The following COP1 variants were observed in gnomAD, a reference collection of about 807,000 sequenced individuals.
COP1 encodes COP1 E3 ubiquitin ligase.
A neutral mutation model predicts 101.3 loss-of-function variants in COP1; 24 were observed. The observed-to-expected ratio is 0.24, with a 90% CI of 0.17 to 0.33. The LOEUF (loss-of-function observed/expected upper bound fraction) is 0.33, where lower values mean the gene tolerates loss of function less well. Among genes scored for constraint, COP1 ranks in the 10% least tolerant of loss-of-function variants. The pLI is 1.00. For missense variants in COP1, 663 were observed against 906.2 expected (o/e 0.73, Z 3.45); for synonymous variants, 347 against 341.9 (o/e 1.01, Z -0.17).
At chr1:176,136,410 A>C in intron 7 of COP1, 78 bp downstream of exon 7, 1 of 934,062 alleles carries the variant, frequency 1.1e-6, no homozygotes, top group Non-Finnish European at 1.7e-6. Context: ...TAAACTTAAC[A>C]CAGCAACTTA....
In COP1 at chr1:175,945,060, G is replaced by A. The variant is rs1648988781; in HGVS notation, c.*93C>T. ...CCAAAACCCATGATGACTTTGGGGA[G>A]AGACATCACATGACATTTTCTGTTT... On this transcript the variant is annotated 3_prime_UTR_variant, in exon 20 of 20. Coordinates refer to ENST00000367669, the MANE Select transcript of COP1 (RefSeq NM_022457.7). The A allele has an allele frequency of 1.0e-6, 1 of 965,542 alleles. No individual in the cohort carries two copies. The highest frequency in any genetic ancestry group is 1.6e-6 in the Non-Finnish European group (1 of 617,404). 59.8% of individuals were successfully genotyped at this position (965,542 alleles called of 1,614,324 possible). A position where few individuals can be genotyped will look rare whatever the true frequency, so the allele number is the denominator to read the frequency against.
At chr1:176,202,156 C>T (rs1700323574) in intron 1 of COP1, among the ~76,000 whole-genome samples, 1 of 149,898 alleles carries the variant, frequency 6.7e-6, no homozygotes, top group East Asian at 2.0e-4. Flanking sequence ...GTCTTTATTA[C>T]GACAGATTCT....
intron 9 of COP1, among the ~76,000 whole-genome samples, chr1:176,112,247 T>C (rs1685420579): frequency 6.6e-6 from 1 of 151,724 alleles, no homozygotes; most frequent in African/African-American, 2.4e-5. Flanking sequence ...ATTCTGATTG[T>C]TTTTCTTTTT....
At chr1:176,118,852 T>C (rs1173834086) in intron 8 of COP1, among the ~76,000 whole-genome samples, 2 of 152,212 alleles carry the variant, frequency 1.3e-5, no homozygotes, top group African/African-American at 4.8e-5. Flanking sequence ...TACTCTGACT[T>C]GATCATTACA....
chr1:176,028,133 C>T (rs761031273), intron 14 of COP1, among the ~76,000 whole-genome samples: 3 of 152,084 alleles, frequency 2.0e-5, no homozygotes, highest in African/African-American at 7.2e-5. Flanking sequence ...CTCCACCTGG[C>T]CCCATCCTTG....
rs145243195 is a variant in COP1, at chr1:175,981,625, G to A, written c.2133+5318C>T. The stretch of plus-strand genomic sequence containing the variant: ...TCTGAAAAATTTTTTGGCTAAAACT[G>A]CAAAAGCAAAAACAGACAAGCATGA... On this transcript the variant is annotated intron_variant, in intron 18 of 19. Coordinates refer to ENST00000367669, the MANE Select transcript of COP1 (RefSeq NM_022457.7). Among the ~76,000 whole-genome samples the A allele has an allele frequency of 2.6e-3, 398 of 152,110 alleles. 3 individuals are homozygous for A. Among genetic ancestry groups the A allele is most frequent in the African/African-American group, 9.2e-3 (380 of 41,512 alleles).
intron 15 of COP1, among the ~76,000 whole-genome samples, chr1:176,026,551 C>T (rs1384330154): frequency 6.6e-6 from 1 of 151,952 alleles, no homozygotes; most frequent in Non-Finnish European, 1.5e-5. Context: ...AGCATGTAAT[C>T]ATTAAAAATA....
At chr1:176,097,083 C>T (rs1682529210) in intron 9 of COP1, among the ~76,000 whole-genome samples, 1 of 152,138 alleles carries the variant, frequency 6.6e-6, no homozygotes, top group Non-Finnish European at 1.5e-5. Flanking sequence ...GAAATATTGG[C>T]CACTTGGGAT....
intron 3 of COP1, among the ~76,000 whole-genome samples, chr1:176,173,534 G>A (rs1325915206): frequency 6.6e-6 from 1 of 151,452 alleles, no homozygotes; most frequent in Non-Finnish European, 1.5e-5. Context: ...CAGCTACTTG[G>A]GAGGCTGAGG....
chr1:175,976,182 G>A (rs1244880023), intron 18 of COP1, among the ~76,000 whole-genome samples: 1 of 150,562 alleles, frequency 6.6e-6, no homozygotes, highest in Non-Finnish European at 1.5e-5. Flanking sequence ...TGTTAATTGG[G>A]AAAGGTATAA....
At chr1:176,051,770 A>G (rs1213391240) in intron 11 of COP1, among the ~76,000 whole-genome samples, 1 of 152,156 alleles carries the variant, frequency 6.6e-6, no homozygotes, top group East Asian at 1.9e-4. Flanking sequence ...AGGCTAATAC[A>G]TGTGTTTGTG....
rs75084819 is a variant in COP1, at chr1:176,119,577, T to C, written c.969-2896A>G. On this transcript the variant is annotated intron_variant, in intron 8 of 19. Coordinates refer to ENST00000367669, the MANE Select transcript of COP1 (RefSeq NM_022457.7). ...ACTAAGAAAAAGGTATAATGCAGGC[T>C]ACAATAGAAAAATTTGAATAATAAA... 9.2e-3 allele frequency among the ~76,000 whole-genome samples: 1,402 copies of C among 152,134 alleles called. 23 individuals are homozygous for C. The highest frequency in any genetic ancestry group is 0.032 in the African/African-American group (1,332 of 41,502).
intron 5 of COP1, among the ~76,000 whole-genome samples, chr1:176,158,087 A>G (rs1693737961): frequency 6.6e-6 from 1 of 151,916 alleles, no homozygotes; most frequent in African/African-American, 2.4e-5. Context: ...AACAAAAAAC[A>G]CAAAGGGGGA....
chr1:176,151,353 AAAAGAAAGAAAGAAAG>A (rs200187869), intron 5 of COP1, among the ~76,000 whole-genome samples: 4,564 of 116,028 alleles, frequency 0.039, 123 homozygotes, highest in Middle Eastern at 0.073. Flanking sequence ...GAAAGAAAGA[AAAAGAAAGAAAGAAAG>A]AAAGAAAGAA....
At chr1:176,044,436 A>T (rs1372167246) in intron 12 of COP1, among the ~76,000 whole-genome samples, 1 of 152,242 alleles carries the variant, frequency 6.6e-6, no homozygotes, top group Admixed American at 6.5e-5. Context: ...CGCATATAGT[A>T]AAGGGAATGC....
chr1:175,996,901 T>C (rs994767155), intron 15 of COP1, among the ~76,000 whole-genome samples: 7 of 151,944 alleles, frequency 4.6e-5, no homozygotes, highest in African/African-American at 7.3e-5. Context: ...AAAACTACTT[T>C]CAAGTTCATA....
intron 9 of COP1, among the ~76,000 whole-genome samples, chr1:176,112,742 C>G (rs565910281): frequency 7.9e-5 from 12 of 152,322 alleles, no homozygotes; most frequent in Middle Eastern, 3.4e-3. Flanking sequence ...CCTACTACCT[C>G]CATTCCACTC....
chr1:175,968,209 T>C (rs1652462672), intron 18 of COP1, among the ~76,000 whole-genome samples: 1 of 152,208 alleles, frequency 6.6e-6, no homozygotes, highest in Admixed American at 6.5e-5. Context: ...TACTTCCTGG[T>C]TGTAGGTTCC....
chr1:175,969,516 T>C (rs1652827398), intron 18 of COP1, among the ~76,000 whole-genome samples: 1 of 152,202 alleles, frequency 6.6e-6, no homozygotes, highest in Non-Finnish European at 1.5e-5. Flanking sequence ...TCTTGCTAAG[T>C]TGCCCCCAGT....
Sources: allele counts gnomAD v4.1 joint callset (sites outside exome capture counted in the v4.1 genomes callset), GRCh38; gene constraint gnomAD v4.1.1; transcripts MANE v1.5; gene names NCBI Gene and HGNC (gene_info 2026-07-23, HGNC 2026-07-21).